The following RTN4RL1 variants were observed in gnomAD, a reference collection of about 807,000 sequenced individuals.
RTN4RL1 encodes the protein reticulon-4 receptor-like 1.
Under a neutral mutation model 25.6 loss-of-function variants are expected in RTN4RL1, and 7 were observed. The ratio of observed to expected loss-of-function variants is 0.27; its 90% CI spans 0.16 to 0.51. RTN4RL1 has a LOEUF of 0.51. Among genes scored for constraint, RTN4RL1 ranks in the 20% least tolerant of loss-of-function variants. RTN4RL1 has a pLI of 0.97. For synonymous variants in RTN4RL1, 297 were observed against 288.2 expected (o/e 1.03, Z -0.31); for missense variants, 500 against 615.6 (o/e 0.81, Z 1.99).
chr17:1,970,718 C>T (rs1461884959), intron 1 of RTN4RL1, among the ~76,000 whole-genome samples: 2 of 152,112 alleles, frequency 1.3e-5, no homozygotes, highest in Non-Finnish European at 2.9e-5. Flanking sequence ...ACGGTGGGTC[C>T]GACAGATGGA....
intron 1 of RTN4RL1, among the ~76,000 whole-genome samples, chr17:1,971,039 T>C (rs146922969): frequency 5.3e-5 from 8 of 152,168 alleles, no homozygotes; most frequent in Non-Finnish European, 1.0e-4. Flanking sequence ...TTACCCGACC[T>C]CTTACCCCAA....
chr17:2,024,471 A>G (rs2067248245), intron 1 of RTN4RL1, among the ~76,000 whole-genome samples: 1 of 151,744 alleles, frequency 6.6e-6, no homozygotes, highest in South Asian at 2.1e-4. Flanking sequence ...CTCGGCCTCC[A>G]CAAAGCGGCA....
intron 1 of RTN4RL1, among the ~76,000 whole-genome samples, chr17:1,949,759 A>G (rs1015319505): frequency 2.0e-5 from 3 of 152,238 alleles, no homozygotes; most frequent in Non-Finnish European, 2.9e-5. Flanking sequence ...GGAACCAGAT[A>G]AGCCCCAAAT....
chr17:1,959,998 T>C (rs9910755), intron 1 of RTN4RL1, among the ~76,000 whole-genome samples: 140,846 of 152,310 alleles, frequency 0.92, 65,329 homozygotes, highest in African/African-American at 0.98. Flanking sequence ...CAAACTCCGA[T>C]TGTCCTGTGT....
chr17:1,949,357 A>G (rs921110844), intron 1 of RTN4RL1, among the ~76,000 whole-genome samples: 63 of 150,676 alleles, frequency 4.2e-4, no homozygotes, highest in Middle Eastern at 3.5e-3. Context: ...TCAGCCTCCC[A>G]AAGTGCTGGG....
intron 1 of RTN4RL1, among the ~76,000 whole-genome samples, chr17:2,015,743 CAACCCCTTCCTTGATCCGGGCAG>C (rs1452000576): frequency 6.6e-6 from 1 of 151,912 alleles, no homozygotes; most frequent in Non-Finnish European, 1.5e-5. Context: ...CAAGTGTGGA[CAACCCCTTCCTTGATCCGGGCAG>C]AGAGAGCCGA....
intron 1 of RTN4RL1, among the ~76,000 whole-genome samples, chr17:1,999,895 G>A (rs562832190): frequency 4.6e-5 from 7 of 152,360 alleles, no homozygotes; most frequent in African/African-American, 1.4e-4. Context: ...CCTGTCTAGG[G>A]CCCAGAGCAG....
intron 1 of RTN4RL1, among the ~76,000 whole-genome samples, chr17:1,946,867 C>CGT (rs902205045): frequency 1.9e-5 from 1 of 52,374 alleles, no homozygotes; most frequent in Non-Finnish European, 4.2e-5. Context: ...TCTGTGTGCA[C>CGT]GTGTGTCTGT....
chr17:1,977,736 C>T, intron 1 of RTN4RL1, among the ~76,000 whole-genome samples: 1 of 152,108 alleles, frequency 6.6e-6, no homozygotes, highest in Non-Finnish European at 1.5e-5. Flanking sequence ...ATTAAAAACC[C>T]CATCCCGGCC....
intron 1 of RTN4RL1, 128 bp downstream of exon 1, chr17:2,024,725 C>G (rs1275398920): frequency 3.3e-6 from 3 of 916,892 alleles, no homozygotes; most frequent in African/African-American, 3.5e-5. Context: ...CGGGTGCGCC[C>G]GGCAAAACCC....
At chr17:1,997,173 C>T (rs2151320858) in intron 1 of RTN4RL1, among the ~76,000 whole-genome samples, 1 of 152,382 alleles carries the variant, frequency 6.6e-6, no homozygotes, top group South Asian at 2.1e-4. Flanking sequence ...AATCCAAACT[C>T]CTCCGTGGCC....
chr17:1,947,706 C>T (rs1915585449), intron 1 of RTN4RL1, among the ~76,000 whole-genome samples: 1 of 152,220 alleles, frequency 6.6e-6, no homozygotes, highest in Non-Finnish European at 1.5e-5. Context: ...ACCCCCAGCT[C>T]CCCTACCCTC....
chr17:1,938,527 C>T (rs1364173804), intron 1 of RTN4RL1, among the ~76,000 whole-genome samples: 4 of 151,708 alleles, frequency 2.6e-5, no homozygotes, highest in African/African-American at 7.3e-5. Context: ...GTCTCGAACT[C>T]CCCGCCTCAG....
rs1229377322 is a variant in RTN4RL1, at chr17:1,998,080, C to G, written c.13+26773G>C. Among the ~76,000 whole-genome samples, 4 of 152,202 alleles carry G rather than the reference C, an allele frequency of 2.6e-5. No homozygotes were observed. Among genetic ancestry groups the G allele is most frequent in the Non-Finnish European group, 5.9e-5 (4 of 68,008 alleles). Reference sequence around the variant, plus strand: ...GGCCGCGATCGATCCCGGCCTCTCCCGGCCTCATTACCGAGGGAGAGCTGC... The same window carrying G: ...GGCCGCGATCGATCCCGGCCTCTCCGGGCCTCATTACCGAGGGAGAGCTGC... On this transcript the variant is annotated intron_variant, in intron 1 of 1. Transcript: ENST00000331238. The surrounding 1 kb of genome is among the most constrained non-coding windows in gnomAD (Gnocchi z 4.9).
intron 1 of RTN4RL1, among the ~76,000 whole-genome samples, chr17:1,960,430 G>A (rs1026612210): frequency 2.0e-5 from 3 of 152,106 alleles, no homozygotes; most frequent in African/African-American, 2.4e-5. Context: ...CCTCGTGAGC[G>A]GCCCCACCTC....
chr17:2,020,963 C>T (rs997213937), intron 1 of RTN4RL1, among the ~76,000 whole-genome samples: 6 of 152,226 alleles, frequency 3.9e-5, no homozygotes, highest in African/African-American at 7.2e-5. Flanking sequence ...CTTGGGGCCT[C>T]GCTTGCCCTG....
At chr17:1,986,243 T>C (rs1025913170) in intron 1 of RTN4RL1, among the ~76,000 whole-genome samples, 1 of 151,972 alleles carries the variant, frequency 6.6e-6, no homozygotes, top group African/African-American at 2.4e-5. Flanking sequence ...GTGAGGATTA[T>C]TGTGTATTAA....
chr17:1,992,966 G>A (rs2066915671), intron 1 of RTN4RL1, among the ~76,000 whole-genome samples: 1 of 152,188 alleles, frequency 6.6e-6, no homozygotes, highest in Non-Finnish European at 1.5e-5. Flanking sequence ...GTGAGGGCCG[G>A]GCGCGGTGGC....
At chr17:2,024,583 G>C (rs939677321) in intron 1 of RTN4RL1, among the ~76,000 whole-genome samples, 2 of 152,156 alleles carry the variant, frequency 1.3e-5, no homozygotes, top group Non-Finnish European at 2.9e-5. Flanking sequence ...TTCCACCACC[G>C]GCCGCTCACT....
Sources: allele counts gnomAD v4.1 joint callset (sites outside exome capture counted in the v4.1 genomes callset), GRCh38; gene constraint gnomAD v4.1.1; non-coding constraint Gnocchi (gnomAD v3.1); transcripts MANE v1.5; gene names NCBI Gene and HGNC (gene_info 2026-07-23, HGNC 2026-07-21).